ADAMTS2: variants seen among roughly 807,000 people sequenced by gnomAD.
ADAMTS2 encodes the protein ADAM metallopeptidase with thrombospondin type 1 motif 2, also known as A disintegrin and metalloproteinase with thrombospondin motifs 2.
In ADAMTS2, 50 loss-of-function variants were observed where a neutral mutation model predicts 123.0. That is an observed-to-expected ratio of 0.41 (90% CI 0.32 to 0.51). The LOEUF is 0.51. ADAMTS2 is among the 20% of genes least tolerant of loss of function. ADAMTS2 has a pLI of 0.35. For synonymous variants in ADAMTS2, 678 were observed against 695.4 expected, an observed-to-expected ratio of 0.98 and a Z score of 0.39; for missense variants, 1,494 against 1,705.2, an observed-to-expected ratio of 0.88 and a Z score of 2.18.
At chr5:179,116,631 AT>A in intron 21 of ADAMTS2, among the ~76,000 whole-genome samples, 1 of 152,232 alleles carries the variant, frequency 6.6e-6, no homozygotes, top group East Asian at 1.9e-4. Context: ...AGTGAACCAA[AT>A]AATGCATAAA....
chr5:179,137,592 C>T, intron 12 of ADAMTS2, among the ~76,000 whole-genome samples, 177 bp downstream of exon 12: 1 of 152,250 alleles, frequency 6.6e-6, no homozygotes, highest in East Asian at 1.9e-4. Flanking sequence ...CTGCTAGGAA[C>T]TTTAATGCCC....
chr5:179,292,621 G>A (rs1756220211), intron 2 of ADAMTS2, among the ~76,000 whole-genome samples: 1 of 148,806 alleles, frequency 6.7e-6, no homozygotes, highest in African/African-American at 2.4e-5. Flanking sequence ...AGGGCCCCAT[G>A]TATCCTAGGG....
chr5:179,147,754 C>G (rs1295512966), intron 10 of ADAMTS2, among the ~76,000 whole-genome samples: 2 of 152,174 alleles, frequency 1.3e-5, no homozygotes, highest in African/African-American at 4.8e-5. Flanking sequence ...TCCATTTTCT[C>G]TGTAGCCAAA....
chr5:179,186,148 G>C (rs534395658), intron 4 of ADAMTS2, among the ~76,000 whole-genome samples: 49 of 152,242 alleles, frequency 3.2e-4, no homozygotes, highest in Non-Finnish European at 2.9e-5. Flanking sequence ...GGTGGCTGCT[G>C]GGCCTGGGAT....
rs1158827907 is a variant in ADAMTS2 at position 179,155,044 on chromosome 5, C to A, written c.1133-125G>T. 1 of 844,976 alleles carries A rather than the reference C, an allele frequency of 1.2e-6. No homozygotes were observed. The highest frequency in any genetic ancestry group is 1.7e-5 in the African/African-American group (1 of 59,660). The allele number at this position is 844,976 out of a possible 1,614,324, so 52.3% of individuals were successfully genotyped here. A position where few individuals can be genotyped will look rare whatever the true frequency, so the allele number is the denominator to read the frequency against. ...ATGCCCTCTCTACCACAGGCAACTG[C>A]CCCCGGCTGGCACAGCTCAGAAGAC... On this transcript the variant is annotated intron_variant, in intron 6 of 21. Transcript: ENST00000251582. The surrounding 1 kb of genome is among the most constrained non-coding windows in gnomAD (Gnocchi z 5.1).
At chr5:179,287,521 G>A (rs1036331629) in intron 2 of ADAMTS2, among the ~76,000 whole-genome samples, 3 of 152,332 alleles carry the variant, frequency 2.0e-5, no homozygotes, top group Middle Eastern at 3.4e-3. Context: ...TAAGGCTCCC[G>A]TGTGGGGGCA....
intron 3 of ADAMTS2, among the ~76,000 whole-genome samples, chr5:179,270,004 C>T: frequency 6.6e-6 from 1 of 152,160 alleles, no homozygotes; most frequent in Non-Finnish European, 1.5e-5. Context: ...CTCCCCGCTC[C>T]CTCACCCCTT....
chr5:179,326,712 CTTTTACCTTTCACAGA>C (rs1353809737), intron 2 of ADAMTS2, among the ~76,000 whole-genome samples: 1 of 152,116 alleles, frequency 6.6e-6, no homozygotes, highest in Non-Finnish European at 1.5e-5. Context: ...CCGTCATCAG[CTTTTACCTTTCACAGA>C]TGAGAAACAG....
chr5:179,259,944 C>T (rs1766172380), intron 3 of ADAMTS2, among the ~76,000 whole-genome samples: 1 of 152,184 alleles, frequency 6.6e-6, no homozygotes, highest in South Asian at 2.1e-4. Context: ...ATTTGCAGGG[C>T]ACAGTGCAAA....
intron 3 of ADAMTS2, among the ~76,000 whole-genome samples, chr5:179,253,459 C>G (rs749495941): frequency 6.6e-6 from 1 of 152,100 alleles, no homozygotes; most frequent in Non-Finnish European, 1.5e-5. Flanking sequence ...GCCTGACCAA[C>G]AGGGTGACAC....
At position 179,130,585 on chromosome 5, in the gene ADAMTS2, C is replaced by G. The variant is rs1032904468; in HGVS notation, c.2291-487G>C. ...CCCCCACCCCATCAGGGACCATGGC[C>G]CAGCCGAGGCCCCAGCAGCTCCCCA... On this transcript the variant is annotated intron_variant, in intron 15 of 21. Transcript: ENST00000251582. This position sits in a 1 kb window ranked among gnomAD's most constrained non-coding sequence, Gnocchi z 4.3. Among the ~76,000 whole-genome samples the G allele has an allele frequency of 6.6e-6, 1 of 152,162 alleles. No homozygotes were observed. Among genetic ancestry groups the G allele is most frequent in the African/African-American group, 2.4e-5 (1 of 41,452 alleles).
chr5:179,118,233 A>G lies in ADAMTS2; in HGVS notation c.3178+3428T>C, dbSNP rs1314586546. ...GCCTAGGAAAATTTCAAAATAGCCT[A>G]GAAAAATTTCAAAGTCATCATGACC... On this transcript the variant is annotated intron_variant, in intron 21 of 21. Transcript: ENST00000251582. This position sits in a 1 kb window ranked among gnomAD's most constrained non-coding sequence, Gnocchi z 4.5. Among the ~76,000 whole-genome samples, 5 of 152,270 alleles carry G rather than the reference A, an allele frequency of 3.3e-5. No individual in the cohort carries two copies. Among genetic ancestry groups the G allele is most frequent in the African/African-American group, 1.2e-4 (5 of 41,472 alleles).
At chr5:179,233,435 C>T (rs1221828843) in intron 3 of ADAMTS2, among the ~76,000 whole-genome samples, 1 of 145,708 alleles carries the variant, frequency 6.9e-6, no homozygotes, top group Non-Finnish European at 1.5e-5. Flanking sequence ...AATCCCAGCA[C>T]TTTGAAAGGC....
chr5:179,337,792 C>T (rs915599794), intron 2 of ADAMTS2, among the ~76,000 whole-genome samples: 1 of 152,230 alleles, frequency 6.6e-6, no homozygotes. Flanking sequence ...CTTACTCACC[C>T]AGGTGTGGCC....
At chr5:179,142,910 C>G (rs1425832627) in intron 10 of ADAMTS2, among the ~76,000 whole-genome samples, 1 of 152,122 alleles carries the variant, frequency 6.6e-6, no homozygotes, top group Non-Finnish European at 1.5e-5. Context: ...ACTTTCTGAG[C>G]CATGAAAAGA....
Position 179,158,874 on chromosome 5 carries a change from C to T in ADAMTS2, c.981G>A (p.Met327Ile). ...AGGGGTTCCCGATCTCGATGAGGCT[C>T]ATGGACTGCAGGGGGATGGAGAGAA... ...RIILLSYGKS[M>I]SLIEIGNPSQ... The change falls in exon 6 of 22, where the codon ATG becomes ATA. Residue 327 changes from methionine to isoleucine, a missense_variant. This residue lies in a region of ADAMTS2 where 70 missense variants were observed against 85.3 expected (regional missense o/e 0.82). Transcript: ENST00000251582. This position sits in a 1 kb window ranked among gnomAD's most constrained non-coding sequence, Gnocchi z 5.0. 6.2e-7 allele frequency: 1 copy of T among 1,614,070 alleles called. No individual in the cohort carries two copies. The highest frequency in any genetic ancestry group is 8.5e-7 in the Non-Finnish European group (1 of 1,180,028).
At position 179,132,666 on chromosome 5, in the gene ADAMTS2, A is replaced by G. The variant is rs1306766512; in HGVS notation, c.2209+111T>C. The G allele has an allele frequency of 1.0e-5, 13 of 1,277,706 alleles. No individual in the cohort carries two copies. The highest frequency in any genetic ancestry group is 4.1e-5 in the Admixed American group (2 of 49,072). The allele number at this position is 1,277,706 out of a possible 1,614,324, so 79.1% of individuals were successfully genotyped here. On this transcript the variant is annotated intron_variant, in intron 14 of 21. Transcript: ENST00000251582. The surrounding 1 kb of genome is among the most constrained non-coding windows in gnomAD (Gnocchi z 6.1). ...GTGTCACAGACCTCTCCCCCTCCCC[A>G]GAACAGTCATAAGCCCGGACAGCCC...
intron 10 of ADAMTS2, among the ~76,000 whole-genome samples, chr5:179,146,333 C>T (rs1470407055): frequency 3.3e-5 from 5 of 152,100 alleles, no homozygotes; most frequent in Admixed American, 6.6e-5. Flanking sequence ...TTATGGGTGA[C>T]GCCATCTGAA....
intron 2 of ADAMTS2, among the ~76,000 whole-genome samples, chr5:179,280,282 C>T (rs879482979): frequency 3.3e-5 from 5 of 152,154 alleles, no homozygotes; most frequent in Non-Finnish European, 5.9e-5. Context: ...AGCTAGACTC[C>T]ACTTTGAAGG....
Sources: allele counts gnomAD v4.1 joint callset (sites outside exome capture counted in the v4.1 genomes callset), GRCh38; gene constraint gnomAD v4.1.1; regional missense constraint gnomAD v4.1.1; non-coding constraint Gnocchi (gnomAD v3.1); transcripts MANE v1.5; gene names NCBI Gene and HGNC (gene_info 2026-07-23, HGNC 2026-07-21).